The following ACVR2B variants were observed in gnomAD, a reference collection of about 807,000 sequenced individuals.
ACVR2B encodes the protein activin A receptor type 2B.
In ACVR2B, 18 loss-of-function variants were observed where a neutral mutation model predicts 65.1. The observed-to-expected ratio is 0.28, with a 90% confidence interval of 0.19 to 0.41. ACVR2B has a LOEUF of 0.41. Ranked by LOEUF, ACVR2B falls within the 10% of genes least tolerant of loss-of-function variation. ACVR2B has a pLI of 1.00. For missense variants in ACVR2B, 482 were observed against 682.7 expected (o/e 0.71, Z 3.28); for synonymous variants, 298 against 277.7 (o/e 1.07, Z -0.73).
At chr3:38,471,574 A>T (rs1402884058) in intron 1 of ACVR2B, among the ~76,000 whole-genome samples, 1 of 152,240 alleles carries the variant, frequency 6.6e-6, no homozygotes, top group Non-Finnish European at 1.5e-5. Flanking sequence ...AAACATAAAT[A>T]ACCTGAGTCC....
Position 38,477,192 on chromosome 3 carries a change from T to C in ACVR2B, c.53-95T>C. On this transcript the variant is annotated intron_variant, in intron 1 of 10. Coordinates refer to ENST00000352511, the MANE Select transcript of ACVR2B (RefSeq NM_001106.4). The surrounding 1 kb of genome is among the most constrained non-coding windows in gnomAD (Gnocchi z 6.7). ...ACCCCAACCCACCACCCGGCCTCCC[T>C]CCCTCAGGGTGGCCTGGCACCCAGG... 1 of 1,474,092 alleles carries C rather than the reference T, an allele frequency of 6.8e-7. No homozygotes were observed. Among genetic ancestry groups the C allele is most frequent in the Non-Finnish European group, 9.3e-7 (1 of 1,071,728 alleles). The allele number at this position is 1,474,092 out of a possible 1,614,324, so 91.3% of individuals were successfully genotyped here.
chr3:38,463,142 T>G (rs187733160), intron 1 of ACVR2B, among the ~76,000 whole-genome samples: 20 of 152,308 alleles, frequency 1.3e-4, no homozygotes, highest in Admixed American at 8.5e-4. Context: ...CTGGGTACTG[T>G]GCTGATGAGG....
At chr3:38,454,985 CTTTG>C (rs1311653175) in intron 1 of ACVR2B, among the ~76,000 whole-genome samples, 1 of 150,884 alleles carries the variant, frequency 6.6e-6, no homozygotes, top group Admixed American at 6.6e-5. Context: ...CGCGGGACCG[CTTTG>C]TTTGGGCACT....
intron 1 of ACVR2B, chr3:38,474,847 T>A (rs1265129769): frequency 6.6e-6 from 1 of 152,144 alleles, no homozygotes; most frequent in Non-Finnish European, 1.5e-5. Flanking sequence ...CAGAGGAAGG[T>A]GGGTAACCTT....
chr3:38,471,859 T>G (rs1384601561), intron 1 of ACVR2B, among the ~76,000 whole-genome samples: 1 of 152,214 alleles, frequency 6.6e-6, no homozygotes, highest in East Asian at 1.9e-4. Context: ...GGACCTGGGA[T>G]GTAGTGTGAG....
At chr3:38,482,980 A>C (rs146743142) in intron 10 of ACVR2B, among the ~76,000 whole-genome samples, 158 bp from the exon 11 acceptor site, 1 of 152,256 alleles carries the variant, frequency 6.6e-6, no homozygotes, top group African/African-American at 2.4e-5. Context: ...TGATTCCTGA[A>C]GTTTTCCCCA....
intron 1 of ACVR2B, among the ~76,000 whole-genome samples, chr3:38,457,561 C>G (rs560131838): frequency 6.6e-6 from 1 of 152,306 alleles, no homozygotes; most frequent in East Asian, 1.9e-4. Context: ...CCATTTGGCT[C>G]TTGCATTTCA....
chr3:38,464,096 A>G (rs565897468), intron 1 of ACVR2B, among the ~76,000 whole-genome samples: 13 of 152,380 alleles, frequency 8.5e-5, no homozygotes, highest in South Asian at 4.1e-4. Flanking sequence ...CACCAACCCA[A>G]TAGTCACATT....
rs1177544971 is a variant in ACVR2B at position 38,485,665 on chromosome 3, T to C, written c.*2333T>C. On this transcript the variant is annotated 3_prime_UTR_variant, in exon 11 of 11. Coordinates refer to ENST00000352511, the MANE Select transcript of ACVR2B (RefSeq NM_001106.4). ...AACAGGGTTTCGGTAAGCTATGTTG[T>C]CTTTTTTTTTTTTTTTTTTTTTTTT... 2 of 92,980 alleles carry C rather than the reference T, an allele frequency of 2.2e-5. No homozygotes were observed. Among genetic ancestry groups the C allele is most frequent in the Non-Finnish European group, 4.9e-5 (2 of 41,100 alleles). 5.8% of individuals were successfully genotyped at this position (92,980 alleles called of 1,614,324 possible). A position where few individuals can be genotyped will look rare whatever the true frequency, so the allele number is the denominator to read the frequency against.
At chr3:38,459,101 G>A (rs1327932153) in intron 1 of ACVR2B, among the ~76,000 whole-genome samples, 1 of 152,182 alleles carries the variant, frequency 6.6e-6, no homozygotes, top group Non-Finnish European at 1.5e-5. Flanking sequence ...CTTTCAAAGA[G>A]GTCTACAGTT....
At chr3:38,457,037 C>T (rs932325000) in intron 1 of ACVR2B, among the ~76,000 whole-genome samples, 3 of 152,090 alleles carry the variant, frequency 2.0e-5, no homozygotes, top group African/African-American at 7.2e-5. Context: ...AAATGCGTCT[C>T]TACTAAAAAT....
At chr3:38,463,278 C>G (rs978088937) in intron 1 of ACVR2B, among the ~76,000 whole-genome samples, 1 of 152,190 alleles carries the variant, frequency 6.6e-6, no homozygotes, top group Non-Finnish European at 1.5e-5. Context: ...TGTTGAAGGT[C>G]GCTGAAGAGC....
intron 1 of ACVR2B, among the ~76,000 whole-genome samples, chr3:38,467,850 C>G (rs1035694432): frequency 6.6e-6 from 1 of 151,932 alleles, no homozygotes; most frequent in Non-Finnish European, 1.5e-5. Flanking sequence ...ATAAATATAG[C>G]TAATATTTCT....
chr3:38,455,831 G>A (rs958607800), intron 1 of ACVR2B, among the ~76,000 whole-genome samples: 1 of 152,156 alleles, frequency 6.6e-6, no homozygotes, highest in African/African-American at 2.4e-5. Flanking sequence ...AGTGAAAGGG[G>A]AGGCATTGGT....
In ACVR2B at chr3:38,491,416, T is replaced by C. The variant is rs1374740898; in HGVS notation, c.*8084T>C. ...CAGTGAGGGTCCCAAGTCAGTCATC[T>C]TAAGTGTTTGTTCTCTGCCCCATTC... is the stretch of plus-strand genomic sequence containing the variant. On this transcript the variant is annotated 3_prime_UTR_variant, in exon 11 of 11. Coordinates refer to ENST00000352511, the MANE Select transcript of ACVR2B (RefSeq NM_001106.4). 1 of 152,710 alleles carries C rather than the reference T, an allele frequency of 6.5e-6. No homozygotes were observed. Among genetic ancestry groups the C allele is most frequent in the South Asian group, 2.1e-4 (1 of 4,834 alleles). The allele number at this position is 152,710 out of a possible 1,614,324, so 9.5% of individuals were successfully genotyped here.
rs909299946 is a variant in ACVR2B at position 38,488,465 on chromosome 3, T to C, written c.*5133T>C. Reference sequence around the variant, plus strand: ...GACCCAGTAACATTTTTTAAAACAATTGGTGGCTCCAAAAGGCCTGCCAAC... The same window carrying C: ...GACCCAGTAACATTTTTTAAAACAACTGGTGGCTCCAAAAGGCCTGCCAAC... On this transcript the variant is annotated 3_prime_UTR_variant, in exon 11 of 11. Coordinates refer to ENST00000352511, the MANE Select transcript of ACVR2B (RefSeq NM_001106.4). The C allele has an allele frequency of 1.2e-4, 19 of 152,198 alleles. No individual in the cohort carries two copies. Among genetic ancestry groups the C allele is most frequent in the Admixed American group, 4.6e-4 (7 of 15,276 alleles). 9.4% of individuals were successfully genotyped at this position (152,198 alleles called of 1,614,324 possible).
intron 1 of ACVR2B, among the ~76,000 whole-genome samples, chr3:38,464,975 G>A (rs1051121257): frequency 1.3e-5 from 2 of 152,088 alleles, no homozygotes; most frequent in African/African-American, 4.8e-5. Context: ...CCTAGGCCTC[G>A]AATTATCTCT....
At position 38,492,567 on chromosome 3, in the gene ACVR2B, A is replaced by G. The variant is rs1055392760; in HGVS notation, c.*9235A>G. The G allele has an allele frequency of 6.6e-6, 1 of 152,128 alleles. No individual in the cohort carries two copies. Among genetic ancestry groups the G allele is most frequent in the African/African-American group, 2.4e-5 (1 of 41,416 alleles). The allele number at this position is 152,128 out of a possible 1,614,324, so 9.4% of individuals were successfully genotyped here. A position where few individuals can be genotyped will look rare whatever the true frequency, so the allele number is the denominator to read the frequency against. On this transcript the variant is annotated 3_prime_UTR_variant, in exon 11 of 11. Coordinates refer to ENST00000352511, the MANE Select transcript of ACVR2B (RefSeq NM_001106.4). Reference sequence around the variant, plus strand: ...TAGGTCACTTTTCACCCTTGTAGCTATAAAATAAAAATTTTGTAGAACAGA... The same window carrying G: ...TAGGTCACTTTTCACCCTTGTAGCTGTAAAATAAAAATTTTGTAGAACAGA...
chr3:38,457,656 A>G (rs1317057768), intron 1 of ACVR2B, among the ~76,000 whole-genome samples: 1 of 152,168 alleles, frequency 6.6e-6, no homozygotes, highest in Non-Finnish European at 1.5e-5. Flanking sequence ...TTCAGATCAA[A>G]GGGCTTATGG....
Sources: gnomAD v4.1 joint callset for allele counts (sites outside exome capture counted in the v4.1 genomes callset) on GRCh38, gnomAD v4.1.1 for gene constraint, Gnocchi (gnomAD v3.1) non-coding constraint, MANE v1.5 for transcripts, NCBI Gene and HGNC (gene_info 2026-07-23, HGNC 2026-07-21) for gene names.